Variants in CHCHD6 observed in about 807,000 individuals in gnomAD.
CHCHD6 encodes MICOS complex subunit MIC25.
A neutral mutation model predicts 32.3 loss-of-function variants in CHCHD6; 28 were observed. The observed-to-expected ratio is 0.87, with a 90% CI of 0.64 to 1.19. The LOEUF (loss-of-function observed/expected upper bound fraction) is 1.19. CHCHD6 is among the 50% of genes most tolerant of loss of function. The pLI, the probability that CHCHD6 is intolerant of heterozygous loss-of-function variation, is 0.00. For synonymous variants in CHCHD6, 122 were observed against 117.5 expected, an observed-to-expected ratio of 1.04 and a Z score of -0.25; for missense variants, 333 against 307.0, an observed-to-expected ratio of 1.08 and a Z score of -0.63.
At chr3:126,822,766 G>A (rs974430313) in intron 4 of CHCHD6, among the ~76,000 whole-genome samples, 1 of 152,080 alleles carries the variant, frequency 6.6e-6, no homozygotes, top group Admixed American at 6.5e-5. Flanking sequence ...TTGCAGGAGG[G>A]CCTTTGTCAT....
In CHCHD6 at chr3:126,727,122, ACCCC is replaced by A. The variant is rs1315272160; in HGVS notation, c.134_137del (p.Pro45LeufsTer15). The stretch of plus-strand genomic sequence containing the variant: ...ACCGCATGAAGGAGCCCAGCTCTCC[ACCCC>A]CTGCTCCCACATCTTCTACCTTTGG... On this transcript the variant is annotated frameshift_variant, in exon 2 of 8. Transcript: ENST00000290913. LOFTEE classifies it high-confidence loss of function. The A allele has an allele frequency of 1.9e-6, 3 of 1,613,736 alleles. No individual in the cohort carries two copies. The highest frequency in any genetic ancestry group is 2.5e-6 in the Non-Finnish European group (3 of 1,179,926).
intron 4 of CHCHD6, among the ~76,000 whole-genome samples, chr3:126,750,764 C>T (rs1936690211): frequency 6.6e-6 from 1 of 152,252 alleles, no homozygotes; most frequent in Non-Finnish European, 1.5e-5. Context: ...CCTTGTTTCC[C>T]AGTTAAAGCC....
intron 4 of CHCHD6, among the ~76,000 whole-genome samples, chr3:126,820,409 A>T (rs1940097702): frequency 6.6e-6 from 1 of 152,106 alleles, no homozygotes; most frequent in Admixed American, 6.5e-5. Context: ...GAGAACCGCT[A>T]CTTGGACCTC....
chr3:126,748,788 C>G (rs1034658205), intron 4 of CHCHD6, among the ~76,000 whole-genome samples: 1 of 152,140 alleles, frequency 6.6e-6, no homozygotes, highest in African/African-American at 2.4e-5. Context: ...TCCATCCATT[C>G]AAGACATGTT....
chr3:126,952,942 G>A, intron 6 of CHCHD6: 1 of 984,518 alleles, frequency 1.0e-6, no homozygotes, highest in Non-Finnish European at 1.2e-6. Context: ...CTTGTCTGTG[G>A]CCATCACATT....
chr3:126,780,922 T>C (rs564513077), intron 4 of CHCHD6, among the ~76,000 whole-genome samples: 5 of 152,266 alleles, frequency 3.3e-5, no homozygotes, highest in African/African-American at 1.2e-4. Context: ...TGTGGCCTTT[T>C]CCCTCATGGT....
At chr3:126,777,723 T>C (rs746633215) in intron 4 of CHCHD6, among the ~76,000 whole-genome samples, 1 of 152,220 alleles carries the variant, frequency 6.6e-6, no homozygotes, top group Non-Finnish European at 1.5e-5. Flanking sequence ...TGGCAATTGT[T>C]CTCCATTTTC....
chr3:126,877,490 G>A (rs2077554001), intron 5 of CHCHD6, among the ~76,000 whole-genome samples: 1 of 151,828 alleles, frequency 6.6e-6, no homozygotes, highest in Non-Finnish European at 1.5e-5. Flanking sequence ...GGGAGGCGGA[G>A]CTTGCAGTGA....
At chr3:126,937,055 G>T (rs2078490699) in intron 6 of CHCHD6, among the ~76,000 whole-genome samples, 1 of 152,232 alleles carries the variant, frequency 6.6e-6, no homozygotes, top group Admixed American at 6.5e-5. Context: ...GGTCATGTGG[G>T]TAGAGAGCTG....
chr3:126,892,291 A>G (rs16837768), intron 5 of CHCHD6, among the ~76,000 whole-genome samples: 8,645 of 152,190 alleles, frequency 0.057, 775 homozygotes, highest in African/African-American at 0.19. Flanking sequence ...GCTGTGACTT[A>G]AAGAGACTGC....
chr3:126,858,622 C>T (rs72980844), intron 5 of CHCHD6, among the ~76,000 whole-genome samples: 121 of 152,314 alleles, frequency 7.9e-4, no homozygotes, highest in African/African-American at 2.8e-3. Context: ...GCCTCGCCTC[C>T]TCGTGTGACT....
chr3:126,788,437 T>C (rs1938340135), intron 4 of CHCHD6, among the ~76,000 whole-genome samples: 1 of 152,234 alleles, frequency 6.6e-6, no homozygotes, highest in African/African-American at 2.4e-5. Flanking sequence ...AGAATTCTGC[T>C]GTGAATCCGT....
intron 1 of CHCHD6, among the ~76,000 whole-genome samples, chr3:126,706,917 C>G (rs116385076): frequency 0.012 from 1,803 of 152,206 alleles, 18 homozygotes; most frequent in Middle Eastern, 0.048. Context: ...TCTTAATGAC[C>G]ATTTGTATTT....
chr3:126,786,448 T>C (rs1938217339), intron 4 of CHCHD6, among the ~76,000 whole-genome samples: 1 of 152,210 alleles, frequency 6.6e-6, no homozygotes, highest in Non-Finnish European at 1.5e-5. Context: ...CCACCAACAG[T>C]GTAAAAGTGT....
chr3:126,864,731 CTTCCTCCTCCACCATCATCTA>C (rs2107562878), intron 5 of CHCHD6, among the ~76,000 whole-genome samples: 1 of 145,908 alleles, frequency 6.9e-6, no homozygotes, highest in South Asian at 2.3e-4. Context: ...ATCATCTCCT[CTTCCTCCTCCACCATCATCTA>C]CTCCTCCTCC....
rs559105432 is a variant in CHCHD6 at position 126,806,626 on chromosome 3, G to A, written c.412-46021G>A. Among the ~76,000 whole-genome samples, 468 of 152,160 alleles carry A rather than the reference G, an allele frequency of 3.1e-3. 3 individuals carry two copies. The highest frequency in any genetic ancestry group is 0.01 in the African/African-American group (432 of 41,476). ...GACTGTAAACTAGTTCAACCATTGTGGAAGTCAGTGTGGCGATTCCTCAGG... is the reference window on the plus strand; with the variant it reads ...GACTGTAAACTAGTTCAACCATTGTAGAAGTCAGTGTGGCGATTCCTCAGG... On this transcript the variant is annotated intron_variant, in intron 4 of 7. Transcript: ENST00000290913.
chr3:126,777,549 G>A (rs1411863529), intron 4 of CHCHD6, among the ~76,000 whole-genome samples: 1 of 152,170 alleles, frequency 6.6e-6, no homozygotes, highest in African/African-American at 2.4e-5. Context: ...ACAGAAATGA[G>A]GCAGACTGCA....
chr3:126,934,479 C>G (rs57720540), intron 6 of CHCHD6, among the ~76,000 whole-genome samples: 3,410 of 148,638 alleles, frequency 0.023, 112 homozygotes, highest in East Asian at 0.16. Context: ...AGCATGTTGT[C>G]AGGCTCCACG....
intron 1 of CHCHD6, among the ~76,000 whole-genome samples, chr3:126,723,228 C>A (rs1415899842): frequency 6.6e-6 from 1 of 151,330 alleles, no homozygotes; most frequent in Non-Finnish European, 1.5e-5. Flanking sequence ...ACTACAGGGA[C>A]TCTATTATTA....
Sources: allele counts gnomAD v4.1 joint callset (sites outside exome capture counted in the v4.1 genomes callset), GRCh38; gene constraint gnomAD v4.1.1; transcripts MANE v1.5; gene names NCBI Gene and HGNC (gene_info 2026-07-23, HGNC 2026-07-21).